Variants in AUTS2 observed in about 807,000 individuals in gnomAD.
AUTS2 encodes the protein autism susceptibility gene 2 protein.
Under a neutral mutation model 112.4 loss-of-function variants are expected in AUTS2, and 17 were observed. The ratio of observed to expected loss-of-function variants is 0.15; its 90% CI spans 0.10 to 0.23. AUTS2 has a LOEUF of 0.23. AUTS2 is among the 10% of genes least tolerant of loss of function. The pLI is 1.00. For missense variants in AUTS2, 1,510 were observed against 1,701.6 expected, an observed-to-expected ratio of 0.89 and a Z score of 1.98; for synonymous variants, 751 against 702.7, an observed-to-expected ratio of 1.07 and a Z score of -1.09.
chr7:70,173,232 G>A (rs190260442), intron 4 of AUTS2, among the ~76,000 whole-genome samples: 1 of 152,122 alleles, frequency 6.6e-6, no homozygotes, highest in Non-Finnish European at 1.5e-5. Context: ...CAAAAAATTA[G>A]CCAGGTATGG....
At chr7:69,711,775 G>T (rs1019875525) in intron 1 of AUTS2, among the ~76,000 whole-genome samples, 5 of 152,084 alleles carry the variant, frequency 3.3e-5, no homozygotes, top group African/African-American at 9.7e-5. Flanking sequence ...ACCAGTCTTT[G>T]TAACAAAGAT....
At chr7:70,155,217 G>A (rs555848419) in intron 4 of AUTS2, among the ~76,000 whole-genome samples, 43 of 152,294 alleles carry the variant, frequency 2.8e-4, no homozygotes, top group African/African-American at 7.9e-4. Context: ...GAGGAAAACC[G>A]TGGGCTGAGC....
chr7:70,223,179 G>A (rs530488610), intron 4 of AUTS2, among the ~76,000 whole-genome samples: 351 of 152,050 alleles, frequency 2.3e-3, no homozygotes, highest in Non-Finnish European at 4.3e-3. Flanking sequence ...GAGCCACTGC[G>A]CCTGGCTGAA....
At chr7:70,095,468 T>C (rs2129568431) in intron 2 of AUTS2, among the ~76,000 whole-genome samples, 1 of 152,296 alleles carries the variant, frequency 6.6e-6, no homozygotes, top group Non-Finnish European at 1.5e-5. Context: ...TTGGAGACAT[T>C]TTCAGGAGTG....
At chr7:69,898,035 C>A (rs1356221112) in intron 1 of AUTS2, among the ~76,000 whole-genome samples, 1 of 151,936 alleles carries the variant, frequency 6.6e-6, no homozygotes, top group Non-Finnish European at 1.5e-5. Flanking sequence ...TTTAATTGTT[C>A]ATTTAAAAAT....
intron 5 of AUTS2, among the ~76,000 whole-genome samples, chr7:70,671,776 CTT>C (rs765026606): frequency 1.2e-4 from 18 of 152,328 alleles, no homozygotes; most frequent in Non-Finnish European, 2.5e-4. Context: ...TAACCTGTCT[CTT>C]TGCGTTGTCA....
chr7:70,554,864 G>C (rs1423693316), intron 5 of AUTS2, among the ~76,000 whole-genome samples: 1 of 152,218 alleles, frequency 6.6e-6, no homozygotes, highest in Non-Finnish European at 1.5e-5. Flanking sequence ...TGTCACATTG[G>C]ACGGTTGGCC....
intron 6 of AUTS2, among the ~76,000 whole-genome samples, chr7:70,703,994 TA>T (rs1809603016): frequency 6.6e-6 from 1 of 152,222 alleles, no homozygotes; most frequent in African/African-American, 2.4e-5. Flanking sequence ...CTCCTTTTGT[TA>T]TGGAAATTGA....
At chr7:69,805,300 C>T (rs1381011602) in intron 1 of AUTS2, among the ~76,000 whole-genome samples, 2 of 152,212 alleles carry the variant, frequency 1.3e-5, no homozygotes, top group Non-Finnish European at 2.9e-5. Context: ...TCACCCTTTA[C>T]CTCTGCCCCC....
intron 5 of AUTS2, among the ~76,000 whole-genome samples, chr7:70,606,614 A>C (rs1431298057): frequency 6.6e-6 from 1 of 152,122 alleles, no homozygotes; most frequent in African/African-American, 2.4e-5. Context: ...TAATCTCAGC[A>C]CTTTGGGAGG....
chr7:70,502,537 C>T (rs1798809229), intron 5 of AUTS2, among the ~76,000 whole-genome samples: 2 of 152,150 alleles, frequency 1.3e-5, no homozygotes, highest in Admixed American at 1.3e-4. Flanking sequence ...TTGCCCACCG[C>T]TTCCAGTGGT....
At chr7:70,097,418 T>A (rs977088933) in intron 2 of AUTS2, among the ~76,000 whole-genome samples, 2 of 152,236 alleles carry the variant, frequency 1.3e-5, no homozygotes, top group African/African-American at 2.4e-5. Flanking sequence ...TCCCTCTTGA[T>A]GTCTGCATGT....
At chr7:70,328,242 G>C (rs1367462014) in intron 4 of AUTS2, among the ~76,000 whole-genome samples, 1 of 152,102 alleles carries the variant, frequency 6.6e-6, no homozygotes, top group African/African-American at 2.4e-5. Flanking sequence ...TTTGTTTTGA[G>C]ACTGAGTCTA....
At position 70,566,197 on chromosome 7, in the gene AUTS2, A is replaced by G. The variant is rs189497437; in HGVS notation, c.690+130416A>G. On this transcript the variant is annotated intron_variant, in intron 5 of 18. Transcript: ENST00000342771. The stretch of plus-strand genomic sequence containing the variant: ...AATTTGCCTTTGGCCAATTGTCACC[A>G]GTGCCAAATTACCAACAGACTTCCT... Among the ~76,000 whole-genome samples the G allele has an allele frequency of 1.3e-3, 194 of 152,334 alleles. 1 individual carries two copies. The highest frequency in any genetic ancestry group is 4.4e-3 in the African/African-American group (181 of 41,580).
intron 2 of AUTS2, among the ~76,000 whole-genome samples, chr7:69,965,597 C>T (rs548671096): frequency 8.4e-4 from 128 of 152,100 alleles, no homozygotes; most frequent in East Asian, 1.9e-3. Flanking sequence ...ATCTAAAGGA[C>T]GAGAGACTAT....
At chr7:70,480,606 C>A (rs919343257) in intron 5 of AUTS2, among the ~76,000 whole-genome samples, 2 of 152,138 alleles carry the variant, frequency 1.3e-5, no homozygotes, top group African/African-American at 2.4e-5. Flanking sequence ...TACGTATACC[C>A]AAGAGCACTT....
At chr7:69,615,889 G>A (rs368301504) in intron 1 of AUTS2, among the ~76,000 whole-genome samples, 48 of 152,342 alleles carry the variant, frequency 3.2e-4, no homozygotes, top group African/African-American at 1.1e-3. Context: ...ATATGGACAT[G>A]CAAAGGCATT....
intron 1 of AUTS2, among the ~76,000 whole-genome samples, chr7:69,649,415 C>T (rs1460024874): frequency 6.6e-6 from 1 of 152,162 alleles, no homozygotes; most frequent in African/African-American, 2.4e-5. Context: ...TGATACTGTT[C>T]CTTAACTCTT....
At chr7:70,467,243 G>C (rs372604881) in intron 5 of AUTS2, among the ~76,000 whole-genome samples, 2 of 152,324 alleles carry the variant, frequency 1.3e-5, no homozygotes, top group South Asian at 2.1e-4. Flanking sequence ...AAAGCCTCAA[G>C]GCCCTTCACT....
Sources: allele counts gnomAD v4.1 joint callset (sites outside exome capture counted in the v4.1 genomes callset), GRCh38; gene constraint gnomAD v4.1.1; transcripts MANE v1.5; gene names NCBI Gene and HGNC (gene_info 2026-07-23, HGNC 2026-07-21).